Variants in GPR161 observed in about 807,000 individuals in gnomAD.
The protein encoded by GPR161 is G protein-coupled receptor 161.
GPR161 carries 25 observed loss-of-function variants against 39.2 expected under a neutral mutation model. The observed-to-expected ratio is 0.64, with a 90% CI of 0.47 to 0.89. GPR161 has a LOEUF of 0.89. Among genes scored for constraint, GPR161 ranks in the 40% least tolerant of loss-of-function variants. The pLI, the probability that GPR161 is intolerant of heterozygous loss-of-function variation, is 0.00. For missense variants in GPR161, 547 were observed against 677.8 expected (o/e 0.81, Z 2.14); for synonymous variants, 286 against 276.6 (o/e 1.03, Z -0.34).
At chr1:168,087,784 C>T (rs1180752456) in intron 4 of GPR161, 80 bp from the exon 5 acceptor site, 12 of 1,402,702 alleles carry the variant, frequency 8.6e-6, no homozygotes, top group Non-Finnish European at 1.2e-5. Context: ...AACACCCCTT[C>T]CACCCCTCTT....
intron 4 of GPR161, 126 bp downstream of exon 4, chr1:168,090,438 C>T (rs1572247484): frequency 3.6e-6 from 2 of 558,314 alleles, no homozygotes; most frequent in Non-Finnish European, 6.5e-6. Flanking sequence ...TGATTCTCAC[C>T]CCCCACCCAC....
Position 168,087,584 on chromosome 1 carries a change from C to A in GPR161, c.1324+1G>T, listed in dbSNP as rs1263992767. On this transcript the variant is annotated splice_donor_variant, in intron 5 of 5. Transcript: ENST00000682931. LOFTEE classifies it high-confidence loss of function. ...TGAAGCAATCAGTCACAGAAGCCAA[C>A]CTTTGATTTGTTCCACTTCATCCTC... 3 of 1,614,008 alleles carry A rather than the reference C, an allele frequency of 1.9e-6. No individual in the cohort carries two copies. Among genetic ancestry groups the A allele is most frequent in the African/African-American group, 2.7e-5 (2 of 74,906 alleles).
chr1:168,104,450 A>C (rs758425523), intron 2 of GPR161, 27 bp downstream of exon 2: 1 of 1,591,230 alleles, frequency 6.3e-7, no homozygotes, highest in Non-Finnish European at 8.6e-7. Context: ...GTAATCCCTC[A>C]ATTCTCTAAG....
intron 1 of GPR161, among the ~76,000 whole-genome samples, chr1:168,120,790 G>A (rs1422562311): frequency 6.6e-6 from 1 of 152,118 alleles, no homozygotes; most frequent in African/African-American, 2.4e-5. Context: ...ACTCTCTCCT[G>A]CTGCCTTGTG....
At chr1:168,109,621 A>G (rs937066334) in intron 1 of GPR161, among the ~76,000 whole-genome samples, 4 of 152,180 alleles carry the variant, frequency 2.6e-5, no homozygotes, top group African/African-American at 9.7e-5. Context: ...GGGTACCAAC[A>G]TTTTTTTCCA....
intron 4 of GPR161, among the ~76,000 whole-genome samples, chr1:168,089,737 T>TGA (rs1694874864): frequency 6.6e-6 from 1 of 151,752 alleles, no homozygotes. Flanking sequence ...TGAGTGTGAC[T>TGA]CCCTGCCTCT....
At chr1:168,105,592 A>G (rs1044698012) in intron 1 of GPR161, among the ~76,000 whole-genome samples, 1 of 152,182 alleles carries the variant, frequency 6.6e-6, no homozygotes, top group East Asian at 1.9e-4. Context: ...GGACGTCATT[A>G]CTGTTCTCAT....
At chr1:168,128,186 TGAAATGATATCAGTGAAAA>T (rs1261803786) in intron 1 of GPR161, among the ~76,000 whole-genome samples, 1 of 152,160 alleles carries the variant, frequency 6.6e-6, no homozygotes, top group African/African-American at 2.4e-5. Flanking sequence ...GCAGAAGAGC[TGAAATGATATCAGTGAAAA>T]GAATGAGGTT....
intron 3 of GPR161, among the ~76,000 whole-genome samples, chr1:168,090,889 A>G (rs1270617470): frequency 6.6e-6 from 1 of 152,108 alleles, no homozygotes; most frequent in Non-Finnish European, 1.5e-5. Context: ...CAAAGGGGAA[A>G]CTCTCCTGAC....
At chr1:168,130,296 T>C (rs1413683995) in intron 1 of GPR161, among the ~76,000 whole-genome samples, 6 of 152,182 alleles carry the variant, frequency 3.9e-5, no homozygotes, top group African/African-American at 1.4e-4. Context: ...GACCTATGCC[T>C]CGCCAATCAG....
chr1:168,120,221 G>A (rs1427367868), intron 1 of GPR161, among the ~76,000 whole-genome samples: 2 of 152,228 alleles, frequency 1.3e-5, no homozygotes, highest in African/African-American at 2.4e-5. Flanking sequence ...CCCACCCCTT[G>A]CATCAGCATG....
At chr1:168,101,630 C>G (rs919767745) in intron 2 of GPR161, among the ~76,000 whole-genome samples, 2 of 152,172 alleles carry the variant, frequency 1.3e-5, no homozygotes, top group African/African-American at 4.8e-5. Flanking sequence ...CCTCAAAAAC[C>G]TCACTTTGCT....
At chr1:168,088,847 C>G (rs1694796259) in intron 4 of GPR161, 1 of 152,238 alleles carries the variant, frequency 6.6e-6, no homozygotes, top group Admixed American at 6.5e-5. Context: ...GCCGGGGCAC[C>G]TTCCACGTAT....
At chr1:168,135,169 T>C in intron 1 of GPR161, 1 of 1,170,598 alleles carries the variant, frequency 8.5e-7, no homozygotes, top group Non-Finnish European at 1.1e-6. Flanking sequence ...GGAGAAGCCC[T>C]GAGTTAAAGA....
At chr1:168,087,537 T>C in intron 5 of GPR161, 48 bp downstream of exon 5, 1 of 1,608,802 alleles carries the variant, frequency 6.2e-7, no homozygotes, top group East Asian at 2.2e-5. Flanking sequence ...CCTAAGATCC[T>C]TTCCGTTTCC....
At position 168,085,599 on chromosome 1, in the gene GPR161, G is replaced by A. The variant is rs780329279; in HGVS notation, c.1522C>T (p.Leu508Phe). Residue 508 changes from leucine (L) to phenylalanine (F), a missense_variant, in exon 6 of 6, where the codon CTT (leucine) becomes TTT (phenylalanine). Leu to Phe is a conservative substitution (Grantham distance 22, BLOSUM62 0). Transcript: ENST00000682931. Reference sequence around the variant, plus strand: ...TGCAACTGCAGCCTCTGGCTCACAAGAGTTCTGCTGCCTCGGCGGCCCCCG... The same window carrying A: ...TGCAACTGCAGCCTCTGGCTCACAAAAGTTCTGCTGCCTCGGCGGCCCCCG... ...GFGGRRGSRT[L>F]VSQRLQLQSI... The A allele has an allele frequency of 1.2e-6, 2 of 1,614,086 alleles. No homozygotes were observed. The highest frequency in any genetic ancestry group is 3.3e-5 in the Admixed American group (2 of 60,032).
chr1:168,119,291 C>CAT (rs1558130374), intron 1 of GPR161, among the ~76,000 whole-genome samples: 2 of 130,332 alleles, frequency 1.5e-5, no homozygotes, highest in Non-Finnish European at 3.2e-5. Flanking sequence ...TATATATACA[C>CAT]ATATATACAT....
At chr1:168,132,363 G>A (rs556955382) in intron 1 of GPR161, among the ~76,000 whole-genome samples, 58 of 151,690 alleles carry the variant, frequency 3.8e-4, no homozygotes, top group Admixed American at 2.4e-3. Context: ...CGAGGCGGGC[G>A]GATCACGAGG....
intron 1 of GPR161, among the ~76,000 whole-genome samples, chr1:168,112,181 T>C (rs1056343906): frequency 9.2e-5 from 14 of 151,974 alleles, no homozygotes; most frequent in Non-Finnish European, 2.9e-5. Flanking sequence ...AAGAATCAAC[T>C]GTTAGAAAAA....
Sources: allele counts gnomAD v4.1 joint callset (sites outside exome capture counted in the v4.1 genomes callset), GRCh38; gene constraint gnomAD v4.1.1; transcripts MANE v1.5; gene names NCBI Gene and HGNC (gene_info 2026-07-23, HGNC 2026-07-21).